The following UNC79 variants were observed in gnomAD, a reference collection of about 807,000 sequenced individuals.
UNC79 encodes the protein unc-79 subunit of NALCN channel complex.
A neutral mutation model predicts 283.1 loss-of-function variants in UNC79; 37 were observed. The ratio of observed to expected loss-of-function variants is 0.13; its 90% CI spans 0.10 to 0.17. The LOEUF is 0.17. UNC79 is among the 10% of genes least tolerant of loss of function. The probability of loss-of-function intolerance (pLI) is 1.00; values close to 1 mark genes in which losing one functional copy is unlikely to be tolerated. For missense variants in UNC79, 2,272 were observed against 3,211.1 expected, an observed-to-expected ratio of 0.71 and a Z score of 7.07; for synonymous variants, 1,107 against 1,200.2, an observed-to-expected ratio of 0.92 and a Z score of 1.61.
At chr14:93,395,635 C>A (rs2054979250) in intron 1 of UNC79, among the ~76,000 whole-genome samples, 1 of 152,142 alleles carries the variant, frequency 6.6e-6, no homozygotes, top group Non-Finnish European at 1.5e-5. Flanking sequence ...TGGAGCCAAA[C>A]CATATCAATA....
At chr14:93,465,106 CTT>C (rs2057117330) in intron 1 of UNC79, among the ~76,000 whole-genome samples, 1 of 152,120 alleles carries the variant, frequency 6.6e-6, no homozygotes, top group Admixed American at 6.5e-5. Flanking sequence ...CTCTGTCCCA[CTT>C]TCTTTCTTCC....
chr14:93,342,793 C>G (rs1261254116), intron 1 of UNC79, among the ~76,000 whole-genome samples: 1 of 152,340 alleles, frequency 6.6e-6, no homozygotes, highest in East Asian at 1.9e-4. Context: ...GCCAGATACC[C>G]TAAGTAATCT....
At chr14:93,397,938 G>A (rs1297253661) in intron 1 of UNC79, among the ~76,000 whole-genome samples, 1 of 152,064 alleles carries the variant, frequency 6.6e-6, no homozygotes, top group African/African-American at 2.4e-5. Flanking sequence ...ACAAGATGCA[G>A]CCATTTTTGT....
chr14:93,707,078 C>T (rs1042442128), downstream of UNC79: 2 of 683,762 alleles, frequency 2.9e-6, no homozygotes, highest in Non-Finnish European at 4.7e-6. Flanking sequence ...TCTTGCTACA[C>T]ATATTTCTGA....
intron 39 of UNC79, among the ~76,000 whole-genome samples, chr14:93,660,563 A>ATGTATATATGTGTGTG (rs2071477204): frequency 1.5e-5 from 1 of 64,774 alleles, no homozygotes; most frequent in Non-Finnish European, 2.9e-5. Flanking sequence ...ATATATATAT[A>ATGTATATATGTGTGTG]TGTGTGTGTG....
intron 31 of UNC79, among the ~76,000 whole-genome samples, chr14:93,632,016 G>T (rs1046782273): frequency 6.6e-6 from 1 of 152,206 alleles, no homozygotes; most frequent in Non-Finnish European, 1.5e-5. Context: ...ATGCGTGATA[G>T]ATGTTGTTGG....
intron 1 of UNC79, among the ~76,000 whole-genome samples, chr14:93,449,932 C>A (rs995209534): frequency 2.0e-5 from 3 of 152,034 alleles, no homozygotes; most frequent in Admixed American, 6.5e-5. Context: ...AATGGGTGTA[C>A]GTTATTATTA....
intron 1 of UNC79, among the ~76,000 whole-genome samples, chr14:93,461,551 T>A (rs1312487920): frequency 2.6e-5 from 4 of 152,200 alleles, no homozygotes; most frequent in Admixed American, 2.6e-4. Flanking sequence ...TTCTGGGCTA[T>A]TTTTATAGAC....
intron 1 of UNC79, among the ~76,000 whole-genome samples, chr14:93,387,937 A>G (rs1411158309): frequency 6.6e-6 from 1 of 152,140 alleles, no homozygotes; most frequent in East Asian, 1.9e-4. Context: ...TGTATTTACA[A>G]TTGTTATATC....
chr14:93,589,214 G>A (rs1371933647), intron 22 of UNC79, among the ~76,000 whole-genome samples: 1 of 152,140 alleles, frequency 6.6e-6, no homozygotes, highest in African/African-American at 2.4e-5. Flanking sequence ...GCGCTCAGGG[G>A]CTTAGGAGTG....
intron 14 of UNC79, among the ~76,000 whole-genome samples, chr14:93,551,831 T>C (rs1177366544): frequency 6.6e-6 from 1 of 152,136 alleles, no homozygotes; most frequent in African/African-American, 2.4e-5. Context: ...TCTTTATTCT[T>C]AAGGAAAAAG....
intron 40 of UNC79, among the ~76,000 whole-genome samples, chr14:93,671,900 A>G (rs1030189045): frequency 4.6e-5 from 7 of 152,228 alleles, no homozygotes; most frequent in Non-Finnish European, 7.3e-5. Flanking sequence ...TCAAAAGAAG[A>G]CATACAAATG....
chr14:93,590,046 G>A (rs1396816177), intron 22 of UNC79, among the ~76,000 whole-genome samples: 3 of 152,094 alleles, frequency 2.0e-5, no homozygotes, highest in Non-Finnish European at 2.9e-5. Context: ...GGAATGTCTT[G>A]GCTATAGCTG....
chr14:93,668,490 C>T (rs917740963), intron 40 of UNC79, among the ~76,000 whole-genome samples: 14 of 151,946 alleles, frequency 9.2e-5, no homozygotes, highest in African/African-American at 1.4e-4. Flanking sequence ...GTGGGAAGAT[C>T]GCTTGAGCCC....
intron 1 of UNC79, among the ~76,000 whole-genome samples, chr14:93,358,700 A>G (rs2054160049): frequency 6.6e-6 from 1 of 152,192 alleles, no homozygotes; most frequent in African/African-American, 2.4e-5. Flanking sequence ...CCCCATTCCC[A>G]GTAGTGGCAA....
At chr14:93,618,126 A>T in intron 28 of UNC79, 66 bp from the exon 30 acceptor site, 2 of 1,521,302 alleles carry the variant, frequency 1.3e-6, no homozygotes, top group African/African-American at 1.4e-5. Context: ...ATCCAGCAAG[A>T]TCAGGTGGAA....
At chr14:93,609,524 A>G (rs2066143846) in intron 26 of UNC79, among the ~76,000 whole-genome samples, 3 of 152,216 alleles carry the variant, frequency 2.0e-5, no homozygotes, top group Admixed American at 2.0e-4. Context: ...AATTATAATT[A>G]TAAATATATT....
At chr14:93,347,984 C>T (rs2053900304) in intron 1 of UNC79, 5 of 1,191,710 alleles carry the variant, frequency 4.2e-6, no homozygotes, top group Non-Finnish European at 6.3e-6. Context: ...AAGTCACTGG[C>T]CTAGGAAGCC....
chr14:93,612,542 A>G (rs112126018), intron 26 of UNC79, among the ~76,000 whole-genome samples: 1 of 152,196 alleles, frequency 6.6e-6, no homozygotes, highest in African/African-American at 2.4e-5. Context: ...ATATTGCTTC[A>G]TAGCACCCTA....
Sources: gnomAD v4.1 joint callset for allele counts (sites outside exome capture counted in the v4.1 genomes callset) on GRCh38, gnomAD v4.1.1 for gene constraint, MANE v1.5 for transcripts, NCBI Gene and HGNC (gene_info 2026-07-23, HGNC 2026-07-21) for gene names.